SAMD5: variants seen among roughly 807,000 people sequenced by gnomAD.
The protein encoded by SAMD5 is sterile alpha motif domain containing 5, also known as sterile alpha motif domain-containing protein 5.
A neutral mutation model predicts 11.3 loss-of-function variants in SAMD5; 13 were observed. The ratio of observed to expected loss-of-function variants is 1.15; its 90% CI spans 0.75 to 1.83. The LOEUF is 1.83. Ranked by LOEUF, SAMD5 falls within the 40% of genes most tolerant of loss-of-function variation. The pLI is 0.00. For synonymous variants in SAMD5, 129 were observed against 111.3 expected, an observed-to-expected ratio of 1.16 and a Z score of -1.00; for missense variants, 255 against 239.1, an observed-to-expected ratio of 1.07 and a Z score of -0.44.
the SAMD5 span, among the ~76,000 whole-genome samples, chr6:147,785,579 T>G: frequency 6.6e-6 from 1 of 152,168 alleles, no homozygotes; most frequent in Non-Finnish European, 1.5e-5. Context: ...AGACTTCCCT[T>G]TGATAGTGAG....
intron 1 of SAMD5, among the ~76,000 whole-genome samples, chr6:147,514,616 G>A (rs570051604): frequency 6.6e-6 from 1 of 152,166 alleles, no homozygotes; most frequent in South Asian, 2.1e-4. Context: ...CAGATGTGAA[G>A]GGTATGGGGC....
chr6:147,731,680 G>A (rs1583157520), intron 1 of SAMD5, among the ~76,000 whole-genome samples: 2 of 128,914 alleles, frequency 1.6e-5, no homozygotes, highest in Non-Finnish European at 3.2e-5. Context: ...AATCCTGAAT[G>A]CAACCCTCCC....
At chr6:147,539,364 G>A (rs1485302564) in intron 1 of SAMD5, among the ~76,000 whole-genome samples, 2 of 152,176 alleles carry the variant, frequency 1.3e-5, no homozygotes, top group African/African-American at 4.8e-5. Flanking sequence ...ATCCAGGTGT[G>A]CAAAGAGTCA....
At chr6:147,749,054 TA>T in the SAMD5 span, among the ~76,000 whole-genome samples, 1 of 152,252 alleles carries the variant, frequency 6.6e-6, no homozygotes, top group Non-Finnish European at 1.5e-5. Context: ...TTCATGCTAA[TA>T]ACCTCAACTT....
chr6:147,525,670 T>C (rs955193345), intron 1 of SAMD5, among the ~76,000 whole-genome samples: 1 of 152,046 alleles, frequency 6.6e-6, no homozygotes, highest in African/African-American at 2.4e-5. Flanking sequence ...GTGTGAGCTA[T>C]GGGGGTTGGT....
At chr6:147,674,759 G>A (rs1790840809) in intron 1 of SAMD5, among the ~76,000 whole-genome samples, 1 of 152,096 alleles carries the variant, frequency 6.6e-6, no homozygotes, top group African/African-American at 2.4e-5. Context: ...TGAGTTACCT[G>A]CACTATTAAA....
the SAMD5 span, among the ~76,000 whole-genome samples, chr6:147,854,161 A>G: frequency 6.6e-6 from 1 of 152,178 alleles, no homozygotes; most frequent in African/African-American, 2.4e-5. Context: ...TTGAGAGAGA[A>G]CCAAAGAGAA....
At chr6:147,523,385 A>T (rs901693766) in intron 1 of SAMD5, among the ~76,000 whole-genome samples, 4 of 152,216 alleles carry the variant, frequency 2.6e-5, no homozygotes, top group African/African-American at 9.6e-5. Context: ...AAGGATTAAG[A>T]ACAGGGTACA....
chr6:147,575,679 A>C (rs1251838271), intron 1 of SAMD5, among the ~76,000 whole-genome samples: 1 of 152,248 alleles, frequency 6.6e-6, no homozygotes, highest in Non-Finnish European at 1.5e-5. Flanking sequence ...TTTGCGTGTA[A>C]CTGCCTGAGA....
At chr6:147,673,371 G>A (rs531427350) in intron 1 of SAMD5, among the ~76,000 whole-genome samples, 5 of 151,956 alleles carry the variant, frequency 3.3e-5, no homozygotes, top group African/African-American at 9.7e-5. Flanking sequence ...CTGCCACCAC[G>A]CCCAGCTTAT....
rs1198232847 is a variant in SAMD5 at position 147,567,456 on chromosome 6, T to C, written c.*3000T>C. The C allele has an allele frequency of 1.0e-6, 1 of 982,678 alleles. No homozygotes were observed. The highest frequency in any genetic ancestry group is 1.7e-5 in the African/African-American group (1 of 57,186). The allele number at this position is 982,678 out of a possible 1,614,324, so 60.9% of individuals were successfully genotyped here. ...TCCTGCGGTGAATCTGTTAAGGATG[T>C]AAGCTATAGTGTAGCTTGGGGAATC... On this transcript the variant is annotated 3_prime_UTR_variant, in exon 2 of 2. Transcript: ENST00000367474.
At chr6:147,772,186 G>T in the SAMD5 span, among the ~76,000 whole-genome samples, 1 of 152,068 alleles carries the variant, frequency 6.6e-6, no homozygotes, top group Non-Finnish European at 1.5e-5. Context: ...TACATTATTT[G>T]GGAATATGCC....
chr6:147,525,427 G>T (rs1347709874), intron 1 of SAMD5, among the ~76,000 whole-genome samples: 2 of 150,546 alleles, frequency 1.3e-5, no homozygotes, highest in East Asian at 3.9e-4. Context: ...AAAGTCCATA[G>T]AACACTAATA....
intron 1 of SAMD5, among the ~76,000 whole-genome samples, chr6:147,604,784 G>A (rs145900097): frequency 6.6e-6 from 1 of 152,100 alleles, no homozygotes; most frequent in East Asian, 1.9e-4. Context: ...TTCTACATAC[G>A]TCTTCTAGAA....
At chr6:147,865,465 A>T in the SAMD5 span, among the ~76,000 whole-genome samples, 4 of 152,160 alleles carry the variant, frequency 2.6e-5, no homozygotes, top group Non-Finnish European at 5.9e-5. Context: ...TAGGATTTAT[A>T]TAACAGCTGC....
chr6:147,587,767 C>G (rs562700095), intron 1 of SAMD5, among the ~76,000 whole-genome samples: 1 of 152,184 alleles, frequency 6.6e-6, no homozygotes, highest in South Asian at 2.1e-4. Flanking sequence ...TCTGGGCTCT[C>G]CCTTTGACTA....
At chr6:147,710,057 C>T (rs1791374989) in intron 1 of SAMD5, among the ~76,000 whole-genome samples, 1 of 152,312 alleles carries the variant, frequency 6.6e-6, no homozygotes, top group South Asian at 2.1e-4. Context: ...CCTTTTTGTG[C>T]CTGTTGTCAG....
chr6:147,831,516 C>T, the SAMD5 span, among the ~76,000 whole-genome samples: 1 of 152,152 alleles, frequency 6.6e-6, no homozygotes. Flanking sequence ...CTCTGGGGTC[C>T]TTTCTGTCAA....
At chr6:147,675,775 G>C (rs1192753409) in intron 1 of SAMD5, among the ~76,000 whole-genome samples, 1 of 152,076 alleles carries the variant, frequency 6.6e-6, no homozygotes. Context: ...CACCTTCATA[G>C]AATCCATTTA....
Sources: gnomAD v4.1 joint callset for allele counts (sites outside exome capture counted in the v4.1 genomes callset) on GRCh38, gnomAD v4.1.1 for gene constraint, MANE v1.5 for transcripts, NCBI Gene and HGNC (gene_info 2026-07-23, HGNC 2026-07-21) for gene names.